Variants in CENPE observed in about 807,000 individuals in gnomAD.
CENPE encodes the protein centromere-associated protein E.
A neutral mutation model predicts 336.1 loss-of-function variants in CENPE; 145 were observed. The ratio of observed to expected loss-of-function variants is 0.43; its 90% CI spans 0.38 to 0.50. The LOEUF is 0.50. Among genes scored for constraint, CENPE ranks in the 20% least tolerant of loss-of-function variants. The pLI, the probability that CENPE is intolerant of heterozygous loss-of-function variation, is 0.00. For synonymous variants in CENPE, 1,013 were observed against 984.8 expected, an observed-to-expected ratio of 1.03 and a Z score of -0.54; for missense variants, 2,719 against 3,023.3, an observed-to-expected ratio of 0.90 and a Z score of 2.36.
chr4:103,160,528 G>T, intron 21 of CENPE, 97 bp downstream of exon 21: 1 of 971,014 alleles, frequency 1.0e-6, no homozygotes, highest in Non-Finnish European at 1.5e-6. Context: ...TCTCTTGTCT[G>T]CTAGTTTAAA....
intron 42 of CENPE, among the ~76,000 whole-genome samples, chr4:103,125,033 A>T (rs1578558820): frequency 6.6e-6 from 1 of 152,188 alleles, no homozygotes; most frequent in East Asian, 1.9e-4. Flanking sequence ...ACCTTATCCA[A>T]ACATTGGTTT....
chr4:103,125,474 A>G (rs1751006488), intron 42 of CENPE, among the ~76,000 whole-genome samples: 1 of 152,156 alleles, frequency 6.6e-6, no homozygotes, highest in Non-Finnish European at 1.5e-5. Context: ...GTTGGTCCTT[A>G]TGACTCAGTA....
intron 46 of CENPE, among the ~76,000 whole-genome samples, chr4:103,111,415 C>T (rs1400751974): frequency 1.3e-5 from 2 of 152,176 alleles, no homozygotes; most frequent in African/African-American, 2.4e-5. Context: ...GCCACCCCGT[C>T]ATTCAGTGCA....
At position 103,161,561 on chromosome 4, in the gene CENPE, C is replaced by T. The variant is rs528951685; in HGVS notation, c.1843-104G>A. On this transcript the variant is annotated intron_variant, in intron 18 of 48. Coordinates refer to ENST00000265148, the MANE Select transcript of CENPE (RefSeq NM_001813.3). ...ATGTTAACTCTAGCTAATCAAAAAG[C>T]GTACAAATATGCTAGTTACCAAATA... 1.8e-5 allele frequency: 17 copies of T among 966,546 alleles called. No homozygotes were observed. The African/African-American group carries it at 1.9e-4, about 11-fold the overall frequency. The allele number at this position is 966,546 out of a possible 1,614,324, so 59.9% of individuals were successfully genotyped here.
Position 103,148,935 on chromosome 4 carries a change from A to G in CENPE, c.3752T>C (p.Ile1251Thr), listed in dbSNP as rs1753298189. 15 of 1,613,684 alleles carry G rather than the reference A, an allele frequency of 9.3e-6. No homozygotes were observed. The highest frequency in any genetic ancestry group is 1.3e-5 in the Non-Finnish European group (15 of 1,179,694). Reference sequence around the variant, plus strand: ...AGATACGCTTCTTCTTAGTTCATCAATAGTTTCTTGGTGTTCTTTTAGGTG... The same window carrying G: ...AGATACGCTTCTTCTTAGTTCATCAGTAGTTTCTTGGTGTTCTTTTAGGTG... Reference protein sequence around the residue: ...HIHLKEHQETIDELRRSVSEK... With the variant: ...HIHLKEHQETTDELRRSVSEK... Residue 1251 changes from isoleucine to threonine, a missense_variant, in exon 28 of 49, where the codon ATT (isoleucine) becomes ACT (threonine). Coordinates refer to ENST00000265148, the MANE Select transcript of CENPE (RefSeq NM_001813.3).
At chr4:103,187,008 A>C (rs1266399254) in intron 8 of CENPE, among the ~76,000 whole-genome samples, 1 of 152,210 alleles carries the variant, frequency 6.6e-6, no homozygotes, top group Non-Finnish European at 1.5e-5. Flanking sequence ...AGAGAAGTAG[A>C]CAGGGGCCAG....
chr4:103,194,562 T>C (rs1345926709), intron 6 of CENPE, 41 bp downstream of exon 6: 2 of 1,533,794 alleles, frequency 1.3e-6, no homozygotes, highest in Non-Finnish European at 1.8e-6. Flanking sequence ...GAAAAGATAG[T>C]TTTTACAAGT....
intron 26 of CENPE, among the ~76,000 whole-genome samples, chr4:103,150,574 G>A (rs1288229585): frequency 6.6e-6 from 1 of 151,276 alleles, no homozygotes; most frequent in African/African-American, 2.4e-5. Context: ...GACAGAGTGA[G>A]ACCCTGTCTC....
In CENPE at chr4:103,120,861, G is replaced by T. The variant is rs565067010; in HGVS notation, c.7144-528C>A. ...AGCGATTGTCCTGCCTCAGCCTCCC[G>T]AGTAGCTGGGACTACAGGTGTGTGC... is the stretch of plus-strand genomic sequence containing the variant. On this transcript the variant is annotated intron_variant, in intron 43 of 48. Coordinates refer to ENST00000265148, the MANE Select transcript of CENPE (RefSeq NM_001813.3). Among the ~76,000 whole-genome samples, 3 of 151,878 alleles carry T rather than the reference G, an allele frequency of 2.0e-5. No individual in the cohort carries two copies. In the South Asian group the frequency reaches 6.2e-4, roughly 32 times the overall value.
intron 42 of CENPE, among the ~76,000 whole-genome samples, chr4:103,130,910 C>CAAAAAAAAAAAAAAAAA (rs1553926179): frequency 1.1e-5 from 1 of 94,228 alleles, no homozygotes. Flanking sequence ...CTTCTACAAG[C>CAAAAAAAAAAAAAAAAA]GAAAAAAAAA....
chr4:103,190,689 C>T (rs1757230097), intron 8 of CENPE, among the ~76,000 whole-genome samples: 2 of 152,008 alleles, frequency 1.3e-5, no homozygotes, highest in Non-Finnish European at 2.9e-5. Flanking sequence ...CCATAAAAAC[C>T]CTAGAAGAAA....
intron 15 of CENPE, 82 bp downstream of exon 15, chr4:103,175,878 T>G: frequency 4.8e-6 from 4 of 825,724 alleles, no homozygotes; most frequent in Non-Finnish European, 7.5e-6. Flanking sequence ...TGAAATTAAA[T>G]GAGAACAAGT....
Position 103,113,163 on chromosome 4 carries a change from CTTATAAGTATATAAGTG to C in CENPE, c.7540+1275_7540+1291del, listed in dbSNP as rs1578534484. ...TTATAAGTATATAAGTGTATATATA[CTTATAAGTATATAAGTG>C]TATATATACTTATAAGTATATAAGT... On this transcript the variant is annotated intron_variant, in intron 46 of 48. Transcript: ENST00000265148. 3.3e-5 allele frequency among the ~76,000 whole-genome samples: 4 copies of C among 123,028 alleles called. No homozygotes were observed. In the East Asian group the frequency reaches 9.3e-4, roughly 29 times the overall value. The allele number at this position is 123,028 out of a possible 152,430, so 80.7% of individuals were successfully genotyped here.
rs112460246 is a variant in CENPE at position 103,152,565 on chromosome 4, G to A, written c.3237+482C>T. On this transcript the variant is annotated intron_variant, in intron 25 of 48. Transcript: ENST00000265148. ...GCTATGTAAATAAAAAGAGTTGTAC[G>A]AGAATGTTTACAGCAGTTTTATTCA... Among the ~76,000 whole-genome samples the A allele has an allele frequency of 1.7e-3, 255 of 152,240 alleles. 3 individuals are homozygous for A. The highest frequency in any genetic ancestry group is 5.7e-3 in the African/African-American group (238 of 41,540).
chr4:103,182,560 T>C (rs1297938621), intron 11 of CENPE, among the ~76,000 whole-genome samples: 1 of 152,144 alleles, frequency 6.6e-6, no homozygotes, highest in African/African-American at 2.4e-5. Flanking sequence ...AAAATAGTGT[T>C]GGGTGTGGCA....
intron 8 of CENPE, among the ~76,000 whole-genome samples, chr4:103,192,821 A>G (rs1757467865): frequency 6.6e-6 from 1 of 152,202 alleles, no homozygotes; most frequent in Non-Finnish European, 1.5e-5. Flanking sequence ...CAGAGACTAT[A>G]GGTAAAATAT....
Position 103,141,891 on chromosome 4 carries a change from C to T in CENPE, c.5322G>A (p.Glu1774=). 1.3e-6 allele frequency: 2 copies of T among 1,595,452 alleles called. No individual in the cohort carries two copies. The highest frequency in any genetic ancestry group is 1.7e-6 in the Non-Finnish European group (2 of 1,170,388). ...GATGCATGTGAGCAATTCTTAGTTCCTCTTGTATTTTCAGATCCTTTACCA... is the reference window on the plus strand; with the variant it reads ...GATGCATGTGAGCAATTCTTAGTTCTTCTTGTATTTTCAGATCCTTTACCA... ...ALKAQDLKIQ[E]ELRIAHMHLK... The change falls in exon 35 of 49, where the codon GAG becomes GAA. Residue 1774 remains glutamate, a synonymous_variant. Coordinates refer to ENST00000265148, the MANE Select transcript of CENPE (RefSeq NM_001813.3).
Position 103,143,346 on chromosome 4 carries a change from T to C in CENPE, c.5206A>G (p.Thr1736Ala), listed in dbSNP as rs201486474. The change falls in exon 34 of 49, where the codon ACT becomes GCT. Residue 1736 changes from threonine to alanine, a missense_variant. Physicochemically the swap from Thr to Ala is moderately conservative, Grantham distance 58. Transcript: ENST00000265148. ...ACAATCCCTCTTAGTTTATCAATAG[T>C]TTCTTGGTGCTCCTTCAGATGCATG... Reference protein sequence around the residue: ...VHMHLKEHQETIDKLRGIVSE... With the variant: ...VHMHLKEHQEAIDKLRGIVSE... The C allele has an allele frequency of 1.5e-4, 237 of 1,608,352 alleles. 2 individuals are homozygous for C. The South Asian group carries it at 2.5e-3, about 17-fold the overall frequency.
At chr4:103,160,810 C>T (rs774790897) in intron 20 of CENPE, 31 bp from the exon 21 acceptor site, 2 of 1,520,634 alleles carry the variant, frequency 1.3e-6, no homozygotes, top group Non-Finnish European at 1.8e-6. Context: ...GTATAAAGAT[C>T]CAATGTTGCC....
Sources: allele counts gnomAD v4.1 joint callset (sites outside exome capture counted in the v4.1 genomes callset), GRCh38; gene constraint gnomAD v4.1.1; transcripts MANE v1.5; gene names NCBI Gene and HGNC (gene_info 2026-07-23, HGNC 2026-07-21).